ZNF680: variants seen among roughly 807,000 people sequenced by gnomAD.
ZNF680 encodes zinc finger protein 680.
A neutral mutation model predicts 12.1 loss-of-function variants in ZNF680; 6 were observed. The ratio of observed to expected loss-of-function variants is 0.49; its 90% CI spans 0.27 to 0.98. The LOEUF is 0.98. ZNF680 is among the 50% of genes least tolerant of loss of function. ZNF680 has a pLI of 0.12. For missense variants in ZNF680, 561 were observed against 616.3 expected (o/e 0.91, Z 0.95); for synonymous variants, 170 against 199.3 (o/e 0.85, Z 1.24).
At chr7:64,559,841 T>C (rs1270274462) in intron 1 of ZNF680, among the ~76,000 whole-genome samples, 1 of 152,166 alleles carries the variant, frequency 6.6e-6, no homozygotes, top group Non-Finnish European at 1.5e-5. Context: ...AGCAAAAGTA[T>C]TCCTTTTAGA....
chr7:64,530,913 A>G (rs2116420650), intron 3 of ZNF680, among the ~76,000 whole-genome samples: 1 of 150,688 alleles, frequency 6.6e-6, no homozygotes, highest in South Asian at 2.1e-4. Flanking sequence ...ATAATAATAA[A>G]AGGCCTTGTC....
Position 64,544,352 on chromosome 7 carries a change from T to A in ZNF680, c.111A>T (p.Leu37Phe). ...WQCLDTAQRN[L>F]YRKVMFENYR... Reference sequence around the variant, plus strand: ...AGTTCTCAAACATCACTTTCCTATATAAATTCCGTTGTGCAGTGTCCAGGC... The same window carrying A: ...AGTTCTCAAACATCACTTTCCTATAAAAATTCCGTTGTGCAGTGTCCAGGC... Residue 37 changes from leucine (L) to phenylalanine (F), a missense_variant, in exon 2 of 4, where the codon TTA (leucine) becomes TTT (phenylalanine). Transcript: ENST00000309683. 6.2e-7 allele frequency: 1 copy of A among 1,605,424 alleles called. No homozygotes were observed. The highest frequency in any genetic ancestry group is 8.5e-7 in the Non-Finnish European group (1 of 1,174,598).
chr7:64,538,104 T>C (rs1275116737), intron 3 of ZNF680, among the ~76,000 whole-genome samples: 1 of 152,202 alleles, frequency 6.6e-6, no homozygotes, highest in East Asian at 1.9e-4. Flanking sequence ...AGCTGAATCC[T>C]TTCCTTGAAC....
chr7:64,556,171 G>C (rs1787402765), intron 1 of ZNF680, among the ~76,000 whole-genome samples: 1 of 146,206 alleles, frequency 6.8e-6, no homozygotes, highest in South Asian at 2.2e-4. Context: ...AGAAAAGACT[G>C]ATATCATTAA....
the ZNF680 span, among the ~76,000 whole-genome samples, chr7:64,506,605 T>C: frequency 0.018 from 2,677 of 152,332 alleles, 83 homozygotes; most frequent in African/African-American, 0.06. Flanking sequence ...CTGGCTTAAA[T>C]TATTTCTCTT....
At chr7:64,513,677 G>A in the ZNF680 span, among the ~76,000 whole-genome samples, 26 of 150,900 alleles carry the variant, frequency 1.7e-4, no homozygotes, top group Middle Eastern at 3.4e-3. Flanking sequence ...ATAGATTCTC[G>A]CTCTGTCACC....
At chr7:64,513,792 C>T in the ZNF680 span, among the ~76,000 whole-genome samples, 1 of 152,022 alleles carries the variant, frequency 6.6e-6, no homozygotes, top group Non-Finnish European at 1.5e-5. Context: ...ACTACAGGTG[C>T]TTGCCACCAC....
intron 1 of ZNF680, among the ~76,000 whole-genome samples, chr7:64,553,529 CTG>C (rs1367999426): frequency 5.9e-5 from 9 of 152,176 alleles, no homozygotes; most frequent in Admixed American, 5.9e-4. Flanking sequence ...CTTGGGCACA[CTG>C]TGTGCACTTG....
intron 3 of ZNF680, among the ~76,000 whole-genome samples, chr7:64,539,304 T>C (rs1289153468): frequency 1.1e-4 from 15 of 130,464 alleles, no homozygotes; most frequent in African/African-American, 3.6e-4. Flanking sequence ...TGAGCCAAGA[T>C]GGCACCACTG....
chr7:64,523,888 GGGCGACA>G (rs1398714279), intron 3 of ZNF680, among the ~76,000 whole-genome samples: 1 of 151,590 alleles, frequency 6.6e-6, no homozygotes, highest in African/African-American at 2.4e-5. Context: ...ACTCCAGCCT[GGGCGACA>G]GAGCGAGACT....
At chr7:64,542,845 C>A (rs779883012) in intron 3 of ZNF680, among the ~76,000 whole-genome samples, 19 of 152,184 alleles carry the variant, frequency 1.2e-4, no homozygotes, top group Admixed American at 8.5e-4. Flanking sequence ...ATTATAGGAA[C>A]CTGCCACCAT....
the ZNF680 span, among the ~76,000 whole-genome samples, chr7:64,512,457 CAAAAAAA>C: frequency 1.1e-5 from 1 of 87,238 alleles, no homozygotes. Flanking sequence ...CCGTCTCCAG[CAAAAAAA>C]AAAAAAAAAA....
At chr7:64,509,103 T>C in the ZNF680 span, among the ~76,000 whole-genome samples, 23 of 152,304 alleles carry the variant, frequency 1.5e-4, no homozygotes, top group African/African-American at 5.3e-4. Context: ...GAACAGTTGA[T>C]TTTCTTATGC....
chr7:64,556,227 T>A (rs1421392086), intron 1 of ZNF680, among the ~76,000 whole-genome samples: 1 of 143,558 alleles, frequency 7.0e-6, no homozygotes. Flanking sequence ...ATGCTATTTC[T>A]ATCAAACTAC....
chr7:64,557,610 G>A lies in ZNF680; in HGVS notation c.30+5315C>T, dbSNP rs144835462. On this transcript the variant is annotated intron_variant, in intron 1 of 3. Coordinates refer to ENST00000309683, the MANE Select transcript of ZNF680 (RefSeq NM_178558.5). The stretch of plus-strand genomic sequence containing the variant: ...CAAAAAAAAACTTACCAAAAAGGCC[G>A]GGTGCAATGGCTCATGCCTGCAATC... Among the ~76,000 whole-genome samples, 12 of 151,302 alleles carry A rather than the reference G, an allele frequency of 7.9e-5. No individual in the cohort carries two copies. In the East Asian group the frequency reaches 2.0e-3, roughly 25 times the overall value.
At chr7:64,549,140 A>C (rs1416223326) in intron 1 of ZNF680, among the ~76,000 whole-genome samples, 2 of 151,888 alleles carry the variant, frequency 1.3e-5, no homozygotes, top group East Asian at 1.9e-4. Context: ...AAAAAAAAAA[A>C]AAACAATGAA....
chr7:64,519,069 T>A (rs1462679701), downstream of ZNF680, among the ~76,000 whole-genome samples: 1 of 151,760 alleles, frequency 6.6e-6, no homozygotes, highest in Non-Finnish European at 1.5e-5. Flanking sequence ...CAGAGTGAGA[T>A]AAAATATTCA....
chr7:64,551,341 G>A (rs1258516395), intron 1 of ZNF680, among the ~76,000 whole-genome samples: 2 of 152,042 alleles, frequency 1.3e-5, no homozygotes, highest in Admixed American at 6.6e-5. Context: ...CCAAGCGTTG[G>A]ACTACAGCAC....
At chr7:64,553,939 C>T (rs1434614598) in intron 1 of ZNF680, among the ~76,000 whole-genome samples, 1 of 152,180 alleles carries the variant, frequency 6.6e-6, no homozygotes, top group Non-Finnish European at 1.5e-5. Context: ...TCGCTACAAC[C>T]TCCACCTCCC....
Sources: allele counts gnomAD v4.1 joint callset (sites outside exome capture counted in the v4.1 genomes callset), GRCh38; gene constraint gnomAD v4.1.1; transcripts MANE v1.5; gene names NCBI Gene and HGNC (gene_info 2026-07-23, HGNC 2026-07-21).